SRGAP2: variants seen among roughly 807,000 people sequenced by gnomAD.
SRGAP2 encodes the protein SLIT-ROBO Rho GTPase-activating protein 2.
A neutral mutation model predicts 57.2 loss-of-function variants in SRGAP2; 15 were observed. That is an observed-to-expected ratio of 0.26 (90% CI 0.18 to 0.40). The LOEUF (loss-of-function observed/expected upper bound fraction) is 0.40, where lower values mean the gene tolerates loss of function less well. Ranked by LOEUF, SRGAP2 falls within the 10% of genes least tolerant of loss-of-function variation. SRGAP2 has a pLI of 1.00. For missense variants in SRGAP2, 520 were observed against 669.6 expected, an observed-to-expected ratio of 0.78 and a Z score of 2.47; for synonymous variants, 249 against 248.0, an observed-to-expected ratio of 1.00 and a Z score of -0.04.
chr1:206,421,328 A>C, intron 13 of SRGAP2, 54 bp downstream of exon 13: 1 of 746,192 alleles, frequency 1.3e-6, no homozygotes, highest in Non-Finnish European at 2.5e-6. Context: ...AGTCCATCCC[A>C]CAGGCATTTA....
At chr1:206,416,493 G>A (rs1220003386) in intron 11 of SRGAP2, among the ~76,000 whole-genome samples, 1 of 152,214 alleles carries the variant, frequency 6.6e-6, no homozygotes, top group African/African-American at 2.4e-5. Context: ...TGCTGTTTAA[G>A]TGGCAGCCCT....
intron 19 of SRGAP2, among the ~76,000 whole-genome samples, chr1:206,450,779 G>A (rs572708291): frequency 2.0e-5 from 3 of 152,218 alleles, no homozygotes; most frequent in African/African-American, 7.2e-5. Context: ...CTAGACTCCT[G>A]CCAGACAGCT....
chr1:206,307,492 A>G (rs1672308198), intron 3 of SRGAP2, among the ~76,000 whole-genome samples: 4 of 152,068 alleles, frequency 2.6e-5, no homozygotes, highest in Non-Finnish European at 5.9e-5. Context: ...ACTGGGCGCC[A>G]TGGAGCAGGG....
At chr1:206,261,918 C>A (rs2102626154) in intron 2 of SRGAP2, among the ~76,000 whole-genome samples, 1 of 151,516 alleles carries the variant, frequency 6.6e-6, no homozygotes, top group South Asian at 2.1e-4. Context: ...CCCATTATCT[C>A]ATTCTTCCCC....
Position 206,461,128 on chromosome 1 carries a change from A to T in SRGAP2, c.2924A>T (p.Asp975Val), listed in dbSNP as rs1553380453. Residue 975 changes from aspartate (D) to valine (V), a missense_variant, in exon 23 of 23, where the codon GAC (aspartate) becomes GTC (valine). By Grantham distance (152) the Asp-to-Val change is radical. Coordinates refer to ENST00000573034, the MANE Select transcript of SRGAP2 (RefSeq NM_015326.5). ...SVKHTPDVVL[D>V]TLEPLKTSPV... ...AAACACACCCCTGACGTGGTTCTGGACACCTTGGAGCCCCTCAAAACCTCC... is the reference window on the plus strand; with the variant it reads ...AAACACACCCCTGACGTGGTTCTGGTCACCTTGGAGCCCCTCAAAACCTCC... The T allele has an allele frequency of 1.3e-6, 1 of 780,454 alleles. No individual in the cohort carries two copies. The allele number at this position is 780,454 out of a possible 1,614,324, so 48.3% of individuals were successfully genotyped here. A position where few individuals can be genotyped will look rare whatever the true frequency, so the allele number is the denominator to read the frequency against.
At chr1:206,408,198 C>CT (rs1553358088) in intron 10 of SRGAP2, among the ~76,000 whole-genome samples, 4 of 110,052 alleles carry the variant, frequency 3.6e-5, no homozygotes, top group African/African-American at 1.4e-4. Context: ...TTCATTTTTA[C>CT]TTCATATATA....
chr1:206,267,372 A>T (rs1669927056), intron 2 of SRGAP2, among the ~76,000 whole-genome samples: 1 of 151,312 alleles, frequency 6.6e-6, no homozygotes, highest in Admixed American at 6.6e-5. Context: ...TGAGGTGCTG[A>T]ACTTTAGGAT....
intron 2 of SRGAP2, among the ~76,000 whole-genome samples, chr1:206,284,723 A>G (rs1364764542): frequency 1.3e-5 from 2 of 152,152 alleles, no homozygotes; most frequent in East Asian, 1.9e-4. Context: ...TGCTGGGATT[A>G]TAGGCTTGAG....
intron 2 of SRGAP2, among the ~76,000 whole-genome samples, chr1:206,254,709 A>C (rs1175826273): frequency 6.7e-6 from 1 of 149,774 alleles, no homozygotes; most frequent in African/African-American, 2.5e-5. Flanking sequence ...GATTCCTTTT[A>C]GTAGAGAACA....
At chr1:206,376,508 G>A (rs1655217293) in intron 4 of SRGAP2, among the ~76,000 whole-genome samples, 2 of 152,100 alleles carry the variant, frequency 1.3e-5, no homozygotes, top group South Asian at 4.2e-4. Context: ...GCGGCGGAAA[G>A]AACACTCAAG....
intron 4 of SRGAP2, among the ~76,000 whole-genome samples, chr1:206,365,402 T>A (rs375252641): frequency 9.2e-5 from 14 of 152,362 alleles, no homozygotes; most frequent in East Asian, 5.8e-4. Flanking sequence ...CCGCTGCTGA[T>A]GTGAGCTGCT....
intron 4 of SRGAP2, among the ~76,000 whole-genome samples, chr1:206,356,558 T>C (rs1272710592): frequency 6.6e-6 from 1 of 152,258 alleles, no homozygotes; most frequent in Non-Finnish European, 1.5e-5. Flanking sequence ...CATTGTGCTA[T>C]TCTGATTCTG....
intron 3 of SRGAP2, among the ~76,000 whole-genome samples, chr1:206,305,643 G>A (rs1672146459): frequency 1.3e-5 from 2 of 150,886 alleles, no homozygotes; most frequent in African/African-American, 5.0e-5. Flanking sequence ...TATAATATGT[G>A]GTGTATAGTA....
chr1:206,269,187 C>T (rs1330274244), intron 2 of SRGAP2, among the ~76,000 whole-genome samples: 1 of 146,646 alleles, frequency 6.8e-6, no homozygotes, highest in Non-Finnish European at 1.5e-5. Context: ...GGATGAATCT[C>T]ATAGTAAGGA....
chr1:206,432,793 C>G (rs1661389799), intron 14 of SRGAP2, among the ~76,000 whole-genome samples: 1 of 152,202 alleles, frequency 6.6e-6, no homozygotes, highest in Non-Finnish European at 1.5e-5. Context: ...AGAGCTTAGC[C>G]TAGCCTGCCT....
intron 2 of SRGAP2, among the ~76,000 whole-genome samples, chr1:206,240,903 G>A (rs1382737823): frequency 6.6e-6 from 1 of 152,258 alleles, no homozygotes; most frequent in Non-Finnish European, 1.5e-5. Flanking sequence ...AATGGGTTTG[G>A]GTTGGCGCTG....
chr1:206,384,320 G>C (rs541800391), intron 5 of SRGAP2, among the ~76,000 whole-genome samples: 76 of 151,760 alleles, frequency 5.0e-4, no homozygotes, highest in African/African-American at 1.8e-3. Flanking sequence ...GCTTTATTTG[G>C]GGCATAATTA....
chr1:206,307,639 G>C (rs1344837083), intron 3 of SRGAP2, among the ~76,000 whole-genome samples: 1 of 152,238 alleles, frequency 6.6e-6, no homozygotes, highest in Non-Finnish European at 1.5e-5. Flanking sequence ...CGAGCACAGC[G>C]CCGATGGGCC....
At chr1:206,431,639 G>T (rs2103294189) in intron 14 of SRGAP2, among the ~76,000 whole-genome samples, 1 of 152,338 alleles carries the variant, frequency 6.6e-6, no homozygotes, top group African/African-American at 2.4e-5. Flanking sequence ...AAAAGTTTCT[G>T]CCTTCATAAA....
Sources: allele counts gnomAD v4.1 joint callset (sites outside exome capture counted in the v4.1 genomes callset), GRCh38; gene constraint gnomAD v4.1.1; transcripts MANE v1.5; gene names NCBI Gene and HGNC (gene_info 2026-07-23, HGNC 2026-07-21).